STEEP1: variants seen among roughly 807,000 people sequenced by gnomAD.
STEEP1 encodes the protein STING ER exit protein.
STEEP1 carries 3 observed loss-of-function variants against 19.2 expected under a neutral mutation model. The observed-to-expected ratio is 0.16, with a 90% CI of 0.07 to 0.40. The LOEUF is 0.40. Among genes scored for constraint, STEEP1 ranks in the 10% least tolerant of loss-of-function variants. The pLI is 0.99. For missense variants in STEEP1, 54 were observed against 177.1 expected, an observed-to-expected ratio of 0.30 and a Z score of 3.94; for synonymous variants, 46 against 63.7, an observed-to-expected ratio of 0.72 and a Z score of 1.32.
Position 119,565,289 on chromosome X carries a change from C to A in STEEP1, c.67G>T (p.Gly23Cys). Reference protein sequence around the residue: ...DTRDREEYDDGEKPLHVYYCL... With the variant: ...DTRDREEYDDCEKPLHVYYCL... Reference sequence around the variant, plus strand: ...TAGTAAACATGGAGGGGCTTCTCGCCGTCGTCATATTCCTCCCGGTCCCGA... The same window carrying A: ...TAGTAAACATGGAGGGGCTTCTCGCAGTCGTCATATTCCTCCCGGTCCCGA... Residue 23 changes from glycine to cysteine, a missense_variant, in exon 1 of 7, where the codon GGC becomes TGC. Physicochemically the swap from Gly to Cys is radical, Grantham distance 159 (BLOSUM62 -3). Transcript: ENST00000644802. The A allele has an allele frequency of 1.7e-6, 2 of 1,210,402 alleles. No individual in the cohort carries two copies.
chrX:119,541,478 G>C (rs778746820), intron 5 of STEEP1, 58 bp from the exon 6 acceptor site: 1 of 683,384 alleles, frequency 1.5e-6, no homozygotes, highest in East Asian at 3.2e-5. Flanking sequence ...TAACAACAAA[G>C]ACGTTAAGTC....
At chrX:119,553,329 T>C (rs1304675669) in intron 2 of STEEP1, among the ~76,000 whole-genome samples, 1 of 111,759 alleles carries the variant, frequency 8.9e-6, no homozygotes, top group East Asian at 2.8e-4. Context: ...GCACACATTA[T>C]ATGCACCTTT....
chrX:119,557,752 G>A (rs1292683022), intron 2 of STEEP1, among the ~76,000 whole-genome samples: 1 of 110,517 alleles, frequency 9.0e-6, no homozygotes, highest in Non-Finnish European at 1.9e-5. Context: ...AAGGATTGCT[G>A]GTAAACGCCA....
At chrX:119,544,321 T>C (rs1189284211) in intron 4 of STEEP1, 32 bp downstream of exon 4, 3 of 1,166,980 alleles carry the variant, frequency 2.6e-6, no homozygotes, top group South Asian at 1.8e-5. Context: ...TCTAGAGCTA[T>C]ATTAAGCAGT....
At chrX:119,545,668 G>A (rs977780338) in intron 2 of STEEP1, among the ~76,000 whole-genome samples, 164 bp from the exon 3 acceptor site, 19 of 111,819 alleles carry the variant, frequency 1.7e-4, no homozygotes, top group African/African-American at 4.5e-4. Context: ...AGGCTGAGGC[G>A]GGCGGATCAC....
In STEEP1 at chrX:119,539,522, C is replaced by T. The variant is rs2053147466; in HGVS notation, c.*205G>A. 3 of 308,815 alleles carry T rather than the reference C, an allele frequency of 9.7e-6. No homozygotes were observed. The African/African-American group carries it at 1.3e-4, about 13-fold the overall frequency. The allele number at this position is 308,815 out of a possible 1,213,427, so 25.4% of individuals were successfully genotyped here. On this transcript the variant is annotated 3_prime_UTR_variant, in exon 7 of 7. Coordinates refer to ENST00000644802, the MANE Select transcript of STEEP1 (RefSeq NM_022101.4). ...CTCCATCCTGGGCGAAAGAGCAAGA[C>T]TTTATCTCAAAAAAAAAAAAAAAAA...
At position 119,562,930 on chromosome X, in the gene STEEP1, T is replaced by G. The variant is rs1288460312; in HGVS notation, c.124+2302A>C. ...AGGGAGGGATTGAGGGAAAAGTTTT[T>G]GGGGCAGAAGAAATACCAATTAAAA... On this transcript the variant is annotated intron_variant, in intron 1 of 6. Coordinates refer to ENST00000644802, the MANE Select transcript of STEEP1 (RefSeq NM_022101.4). Among the ~76,000 whole-genome samples, 5 of 110,670 alleles carry G rather than the reference T, an allele frequency of 4.5e-5. No individual in the cohort carries two copies. The Admixed American group carries it at 4.9e-4, about 11-fold the overall frequency.
chrX:119,558,252 C>T (rs1282339797), intron 2 of STEEP1, among the ~76,000 whole-genome samples: 1 of 110,845 alleles, frequency 9.0e-6, no homozygotes, highest in Non-Finnish European at 1.9e-5. Context: ...AATACACTGG[C>T]GGCCGGGCAC....
intron 1 of STEEP1, among the ~76,000 whole-genome samples, chrX:119,562,520 C>A (rs771948573): frequency 3.2e-5 from 3 of 94,831 alleles, no homozygotes; most frequent in Non-Finnish European, 6.1e-5. Context: ...GCAACAAGAG[C>A]GAAACTCCGT....
intron 2 of STEEP1, among the ~76,000 whole-genome samples, chrX:119,555,402 A>C (rs912367735): frequency 1.8e-5 from 2 of 110,835 alleles, no homozygotes; most frequent in African/African-American, 3.3e-5. Flanking sequence ...AGGAAGGAGG[A>C]GTCCTTAATG....
chrX:119,551,613 CA>C (rs771910999), intron 2 of STEEP1, among the ~76,000 whole-genome samples: 72 of 111,481 alleles, frequency 6.5e-4, no homozygotes, highest in Non-Finnish European at 8.5e-4. Flanking sequence ...ACAACTGAGG[CA>C]GATGGTTTAT....
At chrX:119,556,245 G>A (rs1254732406) in intron 2 of STEEP1, among the ~76,000 whole-genome samples, 3 of 110,869 alleles carry the variant, frequency 2.7e-5, no homozygotes, top group African/African-American at 9.8e-5. Context: ...TTGTTGGGGG[G>A]AAGGGGACTG....
chrX:119,558,589 A>G (rs1850118717), intron 2 of STEEP1, among the ~76,000 whole-genome samples: 2 of 111,948 alleles, frequency 1.8e-5, no homozygotes, highest in South Asian at 7.4e-4. Context: ...CTAGGATAGT[A>G]CCTGGAACAT....
At chrX:119,544,528 A>C in intron 3 of STEEP1, 37 bp from the exon 4 acceptor site, 1 of 1,187,159 alleles carries the variant, frequency 8.4e-7, no homozygotes. Flanking sequence ...AGGTCTCATA[A>C]TCCAAATTCC....
intron 2 of STEEP1, among the ~76,000 whole-genome samples, chrX:119,556,757 C>G (rs2053281308): frequency 9.0e-6 from 1 of 110,720 alleles, no homozygotes; most frequent in African/African-American, 3.3e-5. Flanking sequence ...CAGGAAGGCA[C>G]AGTAGGCAGA....
intron 6 of STEEP1, among the ~76,000 whole-genome samples, chrX:119,540,255 G>GT (rs1329920496): frequency 2.7e-5 from 3 of 112,174 alleles, no homozygotes; most frequent in Non-Finnish European, 5.6e-5. Context: ...TGACACAATA[G>GT]TAATTTTTAA....
rs370307624 is a variant in STEEP1 at position 119,560,392 on chromosome X, G to A, written c.125-7C>T. On this transcript the variant is annotated splice_region_variant and splice_polypyrimidine_tract_variant and intron_variant, in intron 1 of 6. Transcript: ENST00000644802. ...AATTTCTCTAACTGGCAGTCTGAAG[G>A]AATGGAGAGATTTGGTCACTAGAGT... The A allele has an allele frequency of 9.6e-6, 11 of 1,147,518 alleles. No homozygotes were observed. Among genetic ancestry groups the A allele is most frequent in the South Asian group, 1.8e-5 (1 of 55,160 alleles). 94.6% of individuals were successfully genotyped at this position (1,147,518 alleles called of 1,213,427 possible).
intron 5 of STEEP1, among the ~76,000 whole-genome samples, chrX:119,541,775 A>G (rs921114773): frequency 8.9e-6 from 1 of 111,874 alleles, no homozygotes; most frequent in African/African-American, 3.2e-5. Flanking sequence ...CTTGCCATCA[A>G]TATCGTTATA....
At chrX:119,558,407 G>A (rs1327097216) in intron 2 of STEEP1, among the ~76,000 whole-genome samples, 1 of 110,998 alleles carries the variant, frequency 9.0e-6, no homozygotes, top group African/African-American at 3.3e-5. Flanking sequence ...CATGGTGGCA[G>A]GCGCCTGTAG....
Sources: gnomAD v4.1 joint callset for allele counts (sites outside exome capture counted in the v4.1 genomes callset) on GRCh38, gnomAD v4.1.1 for gene constraint, MANE v1.5 for transcripts, NCBI Gene and HGNC (gene_info 2026-07-23, HGNC 2026-07-21) for gene names.